Variants in UTRN observed in about 807,000 individuals in gnomAD.
UTRN encodes dystrophin-related protein 1.
Under a neutral mutation model 463.9 loss-of-function variants are expected in UTRN, and 283 were observed. That is an observed-to-expected ratio of 0.61 (90% CI 0.55 to 0.67). The LOEUF (loss-of-function observed/expected upper bound fraction) is 0.67. Among genes scored for constraint, UTRN ranks in the 30% least tolerant of loss-of-function variants. The probability of loss-of-function intolerance (pLI) is 0.00; values close to 1 mark genes in which losing one functional copy is unlikely to be tolerated. For missense variants in UTRN, 3,922 were observed against 4,084.3 expected (o/e 0.96, Z 1.08); for synonymous variants, 1,442 against 1,431.5 (o/e 1.01, Z -0.17).
chr6:144,363,253 G>T (rs1429124195), intron 2 of UTRN, among the ~76,000 whole-genome samples: 1 of 152,150 alleles, frequency 6.6e-6, no homozygotes, highest in African/African-American at 2.4e-5. Context: ...TTAGGAAAGA[G>T]TCTGTCCATC....
intron 53 of UTRN, among the ~76,000 whole-genome samples, chr6:144,717,627 CTTTTTTCTTTTTTTT>C (rs1786627300): frequency 1.8e-5 from 2 of 112,682 alleles, no homozygotes; most frequent in African/African-American, 4.4e-5. Context: ...TTTTTCTTTT[CTTTTTTCTTTTTTTT>C]TTTTTTTTTT....
intron 24 of UTRN, 38 bp downstream of exon 24, chr6:144,473,871 C>G (rs1476632210): frequency 1.4e-6 from 2 of 1,475,166 alleles, no homozygotes; most frequent in Non-Finnish European, 1.9e-6. Context: ...TCATAAATAA[C>G]ATTTTGTTCT....
rs1322085666 is a variant in UTRN at position 144,491,020 on chromosome 6, A to C, written c.4355A>C (p.Asp1452Ala). ...QRMLDCKRVLDGVKAELHVLD... is the reference protein window; with the variant it reads ...QRMLDCKRVLAGVKAELHVLD... ...ATGCTGGACTGCAAGCGTGTGCTGGATGGCGTGAAAGCAGAACTTCACGTT... is the reference window on the plus strand; with the variant it reads ...ATGCTGGACTGCAAGCGTGTGCTGGCTGGCGTGAAAGCAGAACTTCACGTT... The change falls in exon 32 of 75, where the codon GAT becomes GCT. Residue 1452 changes from aspartate (D) to alanine (A), a missense_variant. Coordinates refer to ENST00000367545, the MANE Select transcript of UTRN (RefSeq NM_007124.3). 2.5e-6 allele frequency: 4 copies of C among 1,613,964 alleles called. No homozygotes were observed. The Admixed American group carries it at 6.7e-5, about 27-fold the overall frequency.
At chr6:144,789,985 G>T (rs1474844572) in intron 62 of UTRN, among the ~76,000 whole-genome samples, 1 of 152,148 alleles carries the variant, frequency 6.6e-6, no homozygotes, top group East Asian at 1.9e-4. Flanking sequence ...CTTTGGGCAG[G>T]TTATGTGATT....
intron 69 of UTRN, among the ~76,000 whole-genome samples, chr6:144,835,277 T>C (rs1781007055): frequency 6.6e-6 from 1 of 152,212 alleles, no homozygotes; most frequent in South Asian, 2.1e-4. Flanking sequence ...GTAGAGACAT[T>C]ATAAATATCT....
intron 15 of UTRN, 126 bp from the exon 16 acceptor site, chr6:144,447,476 T>A: frequency 1.5e-6 from 2 of 1,310,838 alleles, no homozygotes; most frequent in South Asian, 2.8e-5. Flanking sequence ...TCTTACCTTT[T>A]AGCATAGTGA....
In UTRN at chr6:144,579,416, G is replaced by C. The variant is rs138745188; in HGVS notation, c.7479+2128G>C. On this transcript the variant is annotated intron_variant, in intron 51 of 74. Transcript: ENST00000367545. ...TAATTTCAGTAGCTATCTAGGCTGT[G>C]CACTTGAGTAGGTAACAGTTTATAC... Among the ~76,000 whole-genome samples, 425 of 152,276 alleles carry C rather than the reference G, an allele frequency of 2.8e-3. 1 individual carries two copies. Among genetic ancestry groups the C allele is most frequent in the African/African-American group, 9.7e-3 (405 of 41,562 alleles).
At chr6:144,810,914 A>G (rs895030578) in intron 65 of UTRN, among the ~76,000 whole-genome samples, 3 of 152,196 alleles carry the variant, frequency 2.0e-5, no homozygotes, top group African/African-American at 7.2e-5. Context: ...AAACAGATTT[A>G]TATTGCAGGT....
chr6:144,478,851 T>G (rs933327704), intron 25 of UTRN, among the ~76,000 whole-genome samples: 1 of 152,064 alleles, frequency 6.6e-6, no homozygotes, highest in Non-Finnish European at 1.5e-5. Context: ...TGGGGAGGAG[T>G]GCTCTGAAAA....
intron 53 of UTRN, among the ~76,000 whole-genome samples, chr6:144,724,781 C>T (rs1352083344): frequency 6.6e-6 from 1 of 152,096 alleles, no homozygotes; most frequent in Non-Finnish European, 1.5e-5. Context: ...ATTTTTATTA[C>T]TGAATAAGAT....
In UTRN at chr6:144,521,996, A is replaced by C. The variant is rs138217224; in HGVS notation, c.5558A>C (p.Gln1853Pro). Residue 1853 changes from glutamine to proline, a missense_variant, in exon 40 of 75, where the codon CAG becomes CCG. Physicochemically the swap from Gln to Pro is moderately conservative, Grantham distance 76. Coordinates refer to ENST00000367545, the MANE Select transcript of UTRN (RefSeq NM_007124.3). ...TTTTTGTAGGCAATCCCTATTCAAC[A>C]GAGGAAAATGGGTCAACTTGCTTCT... Reference protein sequence around the residue: ...YNKIKAIPIQQRKMGQLASGI... With the variant: ...YNKIKAIPIQPRKMGQLASGI... 16 of 1,567,578 alleles carry C rather than the reference A, an allele frequency of 1.0e-5. No individual in the cohort carries two copies. In the African/African-American group the frequency reaches 1.8e-4, roughly 18 times the overall value.
At chr6:144,324,831 T>C (rs6919115) in intron 2 of UTRN, among the ~76,000 whole-genome samples, 20,741 of 152,192 alleles carry the variant, frequency 0.14, 4,166 homozygotes, top group African/African-American at 0.43. Context: ...AAGACGATGG[T>C]GGAGTGGCTT....
chr6:144,323,453 C>CT (rs1775790378), intron 2 of UTRN, among the ~76,000 whole-genome samples: 1 of 152,154 alleles, frequency 6.6e-6, no homozygotes, highest in African/African-American at 2.4e-5. Flanking sequence ...AAGGAGATCA[C>CT]TTTTTGTGAT....
intron 55 of UTRN, among the ~76,000 whole-genome samples, chr6:144,750,302 T>G (rs1413266437): frequency 6.6e-6 from 1 of 152,146 alleles, no homozygotes; most frequent in Non-Finnish European, 1.5e-5. Flanking sequence ...CATTCTGTCA[T>G]CCATTAAAAT....
At position 144,479,827 on chromosome 6, in the gene UTRN, A is replaced by C. The variant is rs1228787713; in HGVS notation, c.3352A>C (p.Ser1118Arg). 1 of 1,613,460 alleles carries C rather than the reference A, an allele frequency of 6.2e-7. No individual in the cohort carries two copies. Among genetic ancestry groups the C allele is most frequent in the African/African-American group, 1.3e-5 (1 of 74,860 alleles). ...TCCTTTGTAGATCGCTACTCAAAAA[A>C]GTAGGTTGTCTGAAAGTCAAGAAAA... ...KLSKEIATQK[S>R]RLSESQEKAA... Residue 1118 changes from serine to arginine, a missense_variant, in exon 26 of 75, where the codon AGT becomes CGT. By Grantham distance (110) the Ser-to-Arg change is moderately radical. This residue lies in a region of UTRN where 2,349 missense variants were observed against 2,303.8 expected (regional missense o/e 1.02). Transcript: ENST00000367545.
At position 144,851,006 on chromosome 6, in the gene UTRN, T is replaced by C; in HGVS notation, c.*9T>C. On this transcript the variant is annotated 3_prime_UTR_variant, in exon 75 of 75. Coordinates refer to ENST00000367545, the MANE Select transcript of UTRN (RefSeq NM_007124.3). ...TCCCATAGGCAATGTGAAGTATTCA[T>C]CCGGCCAACCAATGTTTCCTGACGT... The C allele has an allele frequency of 6.2e-7, 1 of 1,613,684 alleles. No homozygotes were observed. Among genetic ancestry groups the C allele is most frequent in the Non-Finnish European group, 8.5e-7 (1 of 1,179,626 alleles).
intron 23 of UTRN, among the ~76,000 whole-genome samples, chr6:144,468,362 G>C (rs186704642): frequency 5.2e-4 from 79 of 152,202 alleles, no homozygotes; most frequent in African/African-American, 1.9e-3. Flanking sequence ...TGTAGACTTT[G>C]ACCCTTCCAT....
At chr6:144,729,381 T>C (rs2128713583) in intron 53 of UTRN, among the ~76,000 whole-genome samples, 1 of 152,336 alleles carries the variant, frequency 6.6e-6, no homozygotes, top group South Asian at 2.1e-4. Context: ...TGATGTCAAA[T>C]ACTACTAAAA....
At chr6:144,345,397 AG>A (rs1227232178) in intron 2 of UTRN, among the ~76,000 whole-genome samples, 3 of 152,152 alleles carry the variant, frequency 2.0e-5, no homozygotes, top group Admixed American at 2.0e-4. Flanking sequence ...CACGCGGGCC[AG>A]GCACAATGGC....
Sources: allele counts gnomAD v4.1 joint callset (sites outside exome capture counted in the v4.1 genomes callset), GRCh38; gene constraint gnomAD v4.1.1; regional missense constraint gnomAD v4.1.1; transcripts MANE v1.5; gene names NCBI Gene and HGNC (gene_info 2026-07-23, HGNC 2026-07-21).